The following DAB1 variants were observed in gnomAD, a reference collection of about 807,000 sequenced individuals.
The protein encoded by DAB1 is disabled homolog 1.
A neutral mutation model predicts 64.6 loss-of-function variants in DAB1; 15 were observed. The ratio of observed to expected loss-of-function variants is 0.23; its 90% CI spans 0.16 to 0.36. DAB1 has a LOEUF of 0.36. Ranked by LOEUF, DAB1 falls within the 10% of genes least tolerant of loss-of-function variation. The pLI is 1.00. For missense variants in DAB1, 596 were observed against 706.7 expected (o/e 0.84, Z 1.78); for synonymous variants, 235 against 251.9 (o/e 0.93, Z 0.64).
intron 5 of DAB1, among the ~76,000 whole-genome samples, chr1:57,970,115 A>G (rs1003393898): frequency 2.0e-5 from 3 of 152,308 alleles, no homozygotes; most frequent in South Asian, 2.1e-4. Context: ...CCAGACATCA[A>G]ATCAGATGGT....
intron 1 of DAB1, among the ~76,000 whole-genome samples, chr1:57,865,273 G>A (rs930331114): frequency 2.0e-5 from 3 of 152,218 alleles, no homozygotes; most frequent in Non-Finnish European, 4.4e-5. Context: ...GGAAACAAGA[G>A]AGGAGCTAGA....
At chr1:58,450,410 T>C (rs1268847410) in intron 3 of DAB1, among the ~76,000 whole-genome samples, 1 of 152,182 alleles carries the variant, frequency 6.6e-6, no homozygotes, top group Non-Finnish European at 1.5e-5. Flanking sequence ...CTCAATTTCT[T>C]TCCCCCCAAT....
At chr1:58,190,708 G>A (rs1367205921) in intron 4 of DAB1, among the ~76,000 whole-genome samples, 3 of 152,236 alleles carry the variant, frequency 2.0e-5, no homozygotes, top group African/African-American at 7.2e-5. Context: ...TACACTCCGT[G>A]TCATGTCTTT....
At chr1:57,031,311 C>G (rs943573385) in intron 9 of DAB1, among the ~76,000 whole-genome samples, 4 of 152,158 alleles carry the variant, frequency 2.6e-5, no homozygotes, top group African/African-American at 9.7e-5. Context: ...CACAGGCCTC[C>G]TCCCCATGTT....
chr1:57,966,844 T>G (rs1645678180), intron 5 of DAB1, among the ~76,000 whole-genome samples: 1 of 152,218 alleles, frequency 6.6e-6, no homozygotes, highest in Admixed American at 6.5e-5. Flanking sequence ...GGAAAGAATG[T>G]TAAGAGCTTA....
chr1:57,217,368 A>T (rs776186329), intron 2 of DAB1, among the ~76,000 whole-genome samples: 1 of 152,172 alleles, frequency 6.6e-6, no homozygotes, highest in South Asian at 2.1e-4. Context: ...CCTGAGGGAA[A>T]GTCAGCTTGC....
At chr1:57,795,698 T>TAG (rs1319928856) in intron 6 of DAB1, among the ~76,000 whole-genome samples, 31 of 66,782 alleles carry the variant, frequency 4.6e-4, no homozygotes, top group Non-Finnish European at 3.9e-4. Context: ...GAGATATATA[T>TAG]ATATATATAT....
chr1:57,097,429 G>T (rs1361480277), intron 4 of DAB1, among the ~76,000 whole-genome samples: 4 of 152,224 alleles, frequency 2.6e-5, no homozygotes, highest in African/African-American at 4.8e-5. Flanking sequence ...AGAAGAAGGA[G>T]CTGGAGGGTT....
At chr1:57,624,657 G>A (rs60116819) in intron 7 of DAB1, among the ~76,000 whole-genome samples, 10,713 of 152,146 alleles carry the variant, frequency 0.07, 1,313 homozygotes, top group African/African-American at 0.24. Flanking sequence ...CTTACAAACG[G>A]TAAGTTGTAA....
At chr1:57,795,690 G>GATATATATAT (rs3081038) in intron 6 of DAB1, among the ~76,000 whole-genome samples, 978 of 68,984 alleles carry the variant, frequency 0.014, 50 homozygotes, top group East Asian at 0.026. Context: ...TATGCTTGGA[G>GATATATATAT]ATATATATAT....
intron 12 of DAB1, among the ~76,000 whole-genome samples, chr1:57,013,607 T>C: frequency 6.6e-6 from 1 of 152,204 alleles, no homozygotes; most frequent in East Asian, 1.9e-4. Context: ...AATCTAATTG[T>C]ATTAACATTA....
Position 58,204,151 on chromosome 1 carries a change from T to C in DAB1, n.310-53563A>G, listed in dbSNP as rs117804375. 3.9e-5 allele frequency among the ~76,000 whole-genome samples: 6 copies of C among 152,222 alleles called. No homozygotes were observed. In the East Asian group the frequency reaches 9.7e-4, roughly 24 times the overall value. On this transcript the variant is annotated intron_variant and non_coding_transcript_variant, in intron 4 of 20. Coordinates refer to the DAB1 transcript ENST00000485760. ...ATCACACCTATATGAACACACAACCTAGGATACAGAGAAAACCTGAAACCG... is the reference window on the plus strand; with the variant it reads ...ATCACACCTATATGAACACACAACCCAGGATACAGAGAAAACCTGAAACCG...
In DAB1 at chr1:57,960,088, A is replaced by C. The variant is rs186023285; in HGVS notation, n.388-75926T>G. ...CCTCCACGATGCCTGGGCTGATAGC[A>C]ATCAGGTCCTGCTATGGTGAGGAGT... On this transcript the variant is annotated intron_variant and non_coding_transcript_variant, in intron 5 of 20. Coordinates refer to the DAB1 transcript ENST00000485760. 7.6e-4 allele frequency among the ~76,000 whole-genome samples: 115 copies of C among 152,268 alleles called. No homozygotes were observed. In the East Asian group the frequency reaches 0.017, roughly 22 times the overall value.
At chr1:57,528,800 G>T (rs554011023) in intron 7 of DAB1, among the ~76,000 whole-genome samples, 4 of 151,892 alleles carry the variant, frequency 2.6e-5, no homozygotes, top group African/African-American at 9.7e-5. Context: ...CCTGTCAATC[G>T]AAAATTCTCT....
intron 4 of DAB1, among the ~76,000 whole-genome samples, chr1:58,309,656 TC>T (rs1452422299): frequency 6.6e-6 from 1 of 152,140 alleles, no homozygotes; most frequent in African/African-American, 2.4e-5. Context: ...TCTAGGCAGG[TC>T]CATGAGTGAA....
At chr1:57,920,427 C>T (rs994857585) in intron 5 of DAB1, among the ~76,000 whole-genome samples, 2 of 152,158 alleles carry the variant, frequency 1.3e-5, no homozygotes, top group South Asian at 4.2e-4. Context: ...AACCTCCTGT[C>T]TCAGCCTCCC....
intron 9 of DAB1, among the ~76,000 whole-genome samples, chr1:57,052,258 G>T (rs569862978): frequency 1.3e-5 from 2 of 152,206 alleles, no homozygotes; most frequent in Admixed American, 1.3e-4. Flanking sequence ...TAGTACATAT[G>T]GTTAGTGGCT....
At chr1:58,435,702 C>CT (rs746160062) in intron 3 of DAB1, among the ~76,000 whole-genome samples, 2 of 152,164 alleles carry the variant, frequency 1.3e-5, no homozygotes, top group African/African-American at 2.4e-5. Context: ...GAAGATAGTC[C>CT]TTTTTTCTGT....
intron 1 of DAB1, among the ~76,000 whole-genome samples, chr1:57,873,242 C>G (rs914561117): frequency 2.6e-5 from 4 of 152,134 alleles, no homozygotes; most frequent in African/African-American, 9.7e-5. Flanking sequence ...ATAAATATTA[C>G]TGAGATATCA....
Sources: allele counts gnomAD v4.1 joint callset (sites outside exome capture counted in the v4.1 genomes callset), GRCh38; gene constraint gnomAD v4.1.1; transcripts MANE v1.5; gene names NCBI Gene and HGNC (gene_info 2026-07-23, HGNC 2026-07-21).